The following MICU2 variants were observed in gnomAD, a reference collection of about 807,000 sequenced individuals.
MICU2 encodes the protein calcium uptake protein 2, mitochondrial.
Under a neutral mutation model 60.4 loss-of-function variants are expected in MICU2, and 64 were observed. The observed-to-expected ratio is 1.06, with a 90% CI of 0.87 to 1.31. The LOEUF is 1.31. Ranked by LOEUF, MICU2 falls within the 50% of genes most tolerant of loss-of-function variation. The pLI is 0.00. For missense variants in MICU2, 569 were observed against 531.0 expected, an observed-to-expected ratio of 1.07 and a Z score of -0.70; for synonymous variants, 201 against 175.0, an observed-to-expected ratio of 1.15 and a Z score of -1.17.
At chr13:21,522,732 A>G in intron 4 of MICU2, 82 bp from the exon 5 acceptor site, 1 of 1,066,496 alleles carries the variant, frequency 9.4e-7, no homozygotes, top group Non-Finnish European at 1.3e-6. Context: ...AATTTCACCT[A>G]ATTAAAAAAC....
At chr13:21,593,461 G>A (rs1481055062) in intron 1 of MICU2, among the ~76,000 whole-genome samples, 2 of 147,770 alleles carry the variant, frequency 1.4e-5, no homozygotes, top group East Asian at 4.1e-4. Flanking sequence ...TAGATTCAAT[G>A]CTATTCCCAT....
intron 2 of MICU2, among the ~76,000 whole-genome samples, chr13:21,540,872 T>C (rs1887265090): frequency 6.6e-6 from 1 of 152,132 alleles, no homozygotes; most frequent in Admixed American, 6.5e-5. Flanking sequence ...TACGTAGTCA[T>C]ATAATGCTGA....
At chr13:21,550,404 G>A (rs765436170) in intron 2 of MICU2, among the ~76,000 whole-genome samples, 6 of 152,098 alleles carry the variant, frequency 3.9e-5, no homozygotes, top group Admixed American at 6.6e-5. Context: ...TGAGTACAGC[G>A]GCATGTGCCT....
chr13:21,590,535 C>A (rs1451323489), intron 1 of MICU2, among the ~76,000 whole-genome samples: 4 of 152,196 alleles, frequency 2.6e-5, no homozygotes, highest in African/African-American at 9.6e-5. Flanking sequence ...AAAACATGTT[C>A]CTATTCTTAT....
intron 2 of MICU2, among the ~76,000 whole-genome samples, chr13:21,556,090 G>T (rs1887700873): frequency 6.6e-6 from 1 of 152,090 alleles, no homozygotes; most frequent in Non-Finnish European, 1.5e-5. Flanking sequence ...TTTATGGCAA[G>T]CCACTCTGGA....
chr13:21,569,152 G>A (rs778162508), intron 1 of MICU2, among the ~76,000 whole-genome samples: 6 of 152,118 alleles, frequency 3.9e-5, no homozygotes, highest in African/African-American at 7.2e-5. Context: ...CATGAATTTA[G>A]AAGGTCACTT....
intron 7 of MICU2, among the ~76,000 whole-genome samples, chr13:21,513,352 C>T (rs1886479586): frequency 6.6e-6 from 1 of 152,114 alleles, no homozygotes; most frequent in Admixed American, 6.5e-5. Context: ...AGTCTTTCAT[C>T]AATAAGTATG....
intron 2 of MICU2, among the ~76,000 whole-genome samples, chr13:21,565,271 C>T (rs1887950778): frequency 1.3e-5 from 2 of 151,900 alleles, no homozygotes; most frequent in Non-Finnish European, 2.9e-5. Context: ...CTCATGCCTG[C>T]AATCTCAGCA....
At chr13:21,552,094 T>C (rs1367800009) in intron 2 of MICU2, among the ~76,000 whole-genome samples, 1 of 152,102 alleles carries the variant, frequency 6.6e-6, no homozygotes, top group Non-Finnish European at 1.5e-5. Flanking sequence ...CTCCAGCACC[T>C]GTTGTTTCCT....
At chr13:21,603,097 A>T (rs1789989616) in intron 1 of MICU2, among the ~76,000 whole-genome samples, 1 of 144,416 alleles carries the variant, frequency 6.9e-6, no homozygotes, top group Non-Finnish European at 1.5e-5. Context: ...GCCTCCCGCC[A>T]CCACACCCAG....
rs1229261965 is a variant in MICU2 at position 21,536,626 on chromosome 13, C to T, written c.466+2676G>A. Among the ~76,000 whole-genome samples the T allele has an allele frequency of 2.6e-5, 4 of 152,206 alleles. No individual in the cohort carries two copies. The South Asian group carries it at 6.2e-4, about 24-fold the overall frequency. ...GGGATTACAAGCGTGAGCTAATGCA[C>T]TCAGCCATAAAATTAATGTTGATTT... On this transcript the variant is annotated intron_variant, in intron 4 of 11. Coordinates refer to ENST00000382374, the MANE Select transcript of MICU2 (RefSeq NM_152726.3).
chr13:21,508,416 A>G (rs1177363792), intron 8 of MICU2, among the ~76,000 whole-genome samples: 2 of 151,776 alleles, frequency 1.3e-5, no homozygotes, highest in South Asian at 2.1e-4. Flanking sequence ...GAGCCACCAC[A>G]CCCGGCCCAA....
At chr13:21,542,538 C>A (rs536516538) in intron 2 of MICU2, among the ~76,000 whole-genome samples, 2 of 152,046 alleles carry the variant, frequency 1.3e-5, no homozygotes, top group Non-Finnish European at 2.9e-5. Flanking sequence ...GATATGTATT[C>A]ACACACTTAT....
At chr13:21,602,887 T>C (rs1377679408) in intron 1 of MICU2, 2 of 152,072 alleles carry the variant, frequency 1.3e-5, no homozygotes, top group African/African-American at 4.8e-5. Flanking sequence ...ACTTACTAAG[T>C]CTACAAAAAT....
chr13:21,529,471 G>A (rs1886935087), intron 4 of MICU2, among the ~76,000 whole-genome samples: 1 of 152,160 alleles, frequency 6.6e-6, no homozygotes, highest in South Asian at 2.1e-4. Flanking sequence ...AAGAGATTTG[G>A]GAGTCATCTC....
chr13:21,561,468 T>C (rs972281896), intron 2 of MICU2, among the ~76,000 whole-genome samples: 2 of 152,136 alleles, frequency 1.3e-5, no homozygotes, highest in Non-Finnish European at 2.9e-5. Flanking sequence ...TTGCCTCATG[T>C]GCTTTGATGC....
At chr13:21,530,949 G>C (rs919973131) in intron 4 of MICU2, 5 of 768,204 alleles carry the variant, frequency 6.5e-6, no homozygotes, top group Non-Finnish European at 1.2e-5. Context: ...CTGTGGTCCA[G>C]ATCATTTACA....
chr13:21,597,640 T>C (rs1449448371), intron 1 of MICU2, among the ~76,000 whole-genome samples: 1 of 151,988 alleles, frequency 6.6e-6, no homozygotes, highest in Non-Finnish European at 1.5e-5. Context: ...TATAAAATAA[T>C]TTCAGGGCCG....
At position 21,525,945 on chromosome 13, in the gene MICU2, TTTA is replaced by T. The variant is rs869115660; in HGVS notation, c.467-3298_467-3296del. On this transcript the variant is annotated intron_variant, in intron 4 of 11. Transcript: ENST00000382374. ...ATTTATTTATTTATTTATTTATTTA[TTTA>T]TTTTTTAACAAGGTCTCACTCTGTT... Among the ~76,000 whole-genome samples, 7 of 147,344 alleles carry T rather than the reference TTTA, an allele frequency of 4.8e-5. No individual in the cohort carries two copies. The East Asian group carries it at 7.9e-4, about 17-fold the overall frequency.
Sources: allele counts gnomAD v4.1 joint callset (sites outside exome capture counted in the v4.1 genomes callset), GRCh38; gene constraint gnomAD v4.1.1; transcripts MANE v1.5; gene names NCBI Gene and HGNC (gene_info 2026-07-23, HGNC 2026-07-21).